PCCA: variants seen among roughly 807,000 people sequenced by gnomAD.
The protein encoded by PCCA is propionyl-CoA carboxylase alpha chain, mitochondrial.
A neutral mutation model predicts 101.3 loss-of-function variants in PCCA; 74 were observed. The ratio of observed to expected loss-of-function variants is 0.73; its 90% CI spans 0.61 to 0.89. The LOEUF (loss-of-function observed/expected upper bound fraction) is 0.89. PCCA is among the 40% of genes least tolerant of loss of function. The pLI, the probability that PCCA is intolerant of heterozygous loss-of-function variation, is 0.00. For missense variants in PCCA, 891 were observed against 907.0 expected (o/e 0.98, Z 0.23); for synonymous variants, 294 against 313.6 (o/e 0.94, Z 0.66).
At chr13:100,381,490 G>A (rs1331315925) in intron 19 of PCCA, among the ~76,000 whole-genome samples, 1 of 152,186 alleles carries the variant, frequency 6.6e-6, no homozygotes, top group African/African-American at 2.4e-5. Flanking sequence ...TGGAAAACAG[G>A]ATGGCATTTC....
intron 20 of PCCA, among the ~76,000 whole-genome samples, chr13:100,437,058 A>G (rs1354956781): frequency 3.3e-5 from 5 of 152,192 alleles, no homozygotes. Flanking sequence ...GGCCCACAGT[A>G]TCACCTATTG....
At chr13:100,190,490 C>T (rs550301325) in intron 6 of PCCA, among the ~76,000 whole-genome samples, 118 of 152,136 alleles carry the variant, frequency 7.8e-4, no homozygotes, top group African/African-American at 2.8e-3. Context: ...CGAGACCAGC[C>T]TGGCCAACAT....
intron 23 of PCCA, among the ~76,000 whole-genome samples, chr13:100,528,231 A>G (rs940579555): frequency 2.0e-5 from 3 of 152,256 alleles, no homozygotes; most frequent in Admixed American, 6.5e-5. Flanking sequence ...GGGAGAAAAA[A>G]ATATTAGTAC....
At chr13:100,155,628 C>T (rs1230247123) in intron 5 of PCCA, among the ~76,000 whole-genome samples, 1 of 151,982 alleles carries the variant, frequency 6.6e-6, no homozygotes, top group Non-Finnish European at 1.5e-5. Flanking sequence ...AGAGTGGAAT[C>T]CAAGGAAAAA....
chr13:100,137,844 C>T (rs2051371678), intron 4 of PCCA, among the ~76,000 whole-genome samples: 1 of 148,166 alleles, frequency 6.7e-6, no homozygotes, highest in Non-Finnish European at 1.5e-5. Flanking sequence ...GGGTCTCACT[C>T]TGTCATCCAG....
At chr13:100,329,292 G>A (rs1466791534) in intron 16 of PCCA, among the ~76,000 whole-genome samples, 5 of 152,124 alleles carry the variant, frequency 3.3e-5, no homozygotes, top group African/African-American at 1.2e-4. Context: ...AGTTTAAAAT[G>A]GGATGTAAAG....
chr13:100,185,884 C>T (rs866639456), intron 6 of PCCA, among the ~76,000 whole-genome samples: 4 of 151,948 alleles, frequency 2.6e-5, no homozygotes, highest in Non-Finnish European at 2.9e-5. Flanking sequence ...CGACCTCAGG[C>T]GATCCACCCG....
intron 10 of PCCA, among the ~76,000 whole-genome samples, chr13:100,267,975 T>G (rs763474180): frequency 1.3e-5 from 2 of 152,186 alleles, no homozygotes. Context: ...CAGAAGTGTT[T>G]CAGATTTCAG....
At chr13:100,466,567 G>C (rs753498325) in intron 21 of PCCA, among the ~76,000 whole-genome samples, 19 of 152,168 alleles carry the variant, frequency 1.2e-4, no homozygotes, top group Non-Finnish European at 2.4e-4. Context: ...AAGTACCCTC[G>C]TTTGAAATAG....
intron 12 of PCCA, among the ~76,000 whole-genome samples, chr13:100,279,793 A>G (rs1193553554): frequency 1.3e-5 from 2 of 152,154 alleles, no homozygotes; most frequent in Non-Finnish European, 2.9e-5. Context: ...TTTTAATAGT[A>G]GACATTCTCT....
intron 19 of PCCA, among the ~76,000 whole-genome samples, chr13:100,400,630 C>CTTTTTTTTTTTTTTTTTTTTTTTTTTT (rs1281449669): frequency 2.2e-5 from 2 of 90,974 alleles, no homozygotes; most frequent in African/African-American, 1.1e-4. Flanking sequence ...CTTTTTAGTT[C>CTTTTTTTTTTTTTTTTTTTTTTTTTTT]TTTTTTTTTT....
chr13:100,271,396 C>T (rs959953307), intron 11 of PCCA, among the ~76,000 whole-genome samples: 1 of 152,154 alleles, frequency 6.6e-6, no homozygotes, highest in African/African-American at 2.4e-5. Flanking sequence ...CCCCCTCCCC[C>T]ACCCCAATCC....
At chr13:100,412,129 G>A (rs537191188) in intron 19 of PCCA, among the ~76,000 whole-genome samples, 1 of 152,112 alleles carries the variant, frequency 6.6e-6, no homozygotes, top group Non-Finnish European at 1.5e-5. Context: ...TTCCTGTTTT[G>A]TTGACTGCAC....
At chr13:100,384,107 CT>C (rs1461238611) in intron 19 of PCCA, among the ~76,000 whole-genome samples, 2 of 151,226 alleles carry the variant, frequency 1.3e-5, no homozygotes, top group African/African-American at 4.9e-5. Flanking sequence ...CTCACTGCAA[CT>C]TCCACCTCCC....
Position 100,182,438 on chromosome 13 carries a change from A to G in PCCA, c.468+25098A>G, listed in dbSNP as rs533489837. On this transcript the variant is annotated intron_variant, in intron 6 of 23. Transcript: ENST00000376285. ...TTTAGAAACCTAGTACTTAAAGCACATTAAACTTTGCTTACTGTGGAACCA... is the reference window on the plus strand; with the variant it reads ...TTTAGAAACCTAGTACTTAAAGCACGTTAAACTTTGCTTACTGTGGAACCA... Among the ~76,000 whole-genome samples the G allele has an allele frequency of 7.2e-5, 11 of 152,314 alleles. No individual in the cohort carries two copies. The South Asian group carries it at 2.3e-3, about 32-fold the overall frequency.
At chr13:100,268,632 C>T in intron 10 of PCCA, 57 bp from the exon 11 acceptor site, 2 of 1,204,692 alleles carry the variant, frequency 1.7e-6, no homozygotes, top group Non-Finnish European at 2.5e-6. Flanking sequence ...AAATATTAAC[C>T]ATCATCTACT....
chr13:100,527,301 C>T (rs959451660), intron 22 of PCCA: 3 of 474,678 alleles, frequency 6.3e-6, no homozygotes, highest in African/African-American at 6.0e-5. Flanking sequence ...CCCCAGGCAA[C>T]CTCGAGTCTG....
intron 21 of PCCA, among the ~76,000 whole-genome samples, chr13:100,462,057 A>G (rs2082199195): frequency 6.6e-6 from 1 of 152,098 alleles, no homozygotes; most frequent in Non-Finnish European, 1.5e-5. Context: ...TGATGTTCAG[A>G]TATATTTTAC....
At chr13:100,338,042 A>G (rs2070764691) in intron 17 of PCCA, among the ~76,000 whole-genome samples, 1 of 152,228 alleles carries the variant, frequency 6.6e-6, no homozygotes, top group African/African-American at 2.4e-5. Context: ...GAACAGTTGT[A>G]TTCAAAGTGA....
Sources: allele counts gnomAD v4.1 joint callset (sites outside exome capture counted in the v4.1 genomes callset), GRCh38; gene constraint gnomAD v4.1.1; transcripts MANE v1.5; gene names NCBI Gene and HGNC (gene_info 2026-07-23, HGNC 2026-07-21).